Variants in HIVEP2 observed in about 807,000 individuals in gnomAD.
The protein encoded by HIVEP2 is transcription factor HIVEP2.
HIVEP2 carries 14 observed loss-of-function variants against 180.7 expected under a neutral mutation model. The ratio of observed to expected loss-of-function variants is 0.08; its 90% CI spans 0.05 to 0.12. The LOEUF is 0.12. HIVEP2 is among the 10% of genes least tolerant of loss of function. The probability of loss-of-function intolerance (pLI) is 1.00; values close to 1 mark genes in which losing one functional copy is unlikely to be tolerated. For missense variants in HIVEP2, 2,579 were observed against 3,008.5 expected, an observed-to-expected ratio of 0.86 and a Z score of 3.34; for synonymous variants, 1,184 against 1,136.4, an observed-to-expected ratio of 1.04 and a Z score of -0.84.
chr6:142,817,111 G>A (rs186956714), intron 2 of HIVEP2, among the ~76,000 whole-genome samples: 304 of 152,306 alleles, frequency 2.0e-3, no homozygotes, highest in Non-Finnish European at 2.8e-3. Flanking sequence ...GGATTCTAAA[G>A]ACTAAAATAC....
In HIVEP2 at chr6:142,852,591, C is replaced by T. The variant is rs1398118647; in HGVS notation, c.-640-15544G>A. ...TCATGACCTGAAATATAGAGTAATT[C>T]TTAAATCCACCACAGATATACTTTA... On this transcript the variant is annotated intron_variant, in intron 1 of 9. Transcript: ENST00000367603. Among the ~76,000 whole-genome samples the T allele has an allele frequency of 2.0e-5, 3 of 152,144 alleles. No homozygotes were observed. The East Asian group carries it at 5.8e-4, about 29-fold the overall frequency.
chr6:142,814,209 G>A (rs746947241), intron 2 of HIVEP2, among the ~76,000 whole-genome samples: 1 of 152,120 alleles, frequency 6.6e-6, no homozygotes, highest in Non-Finnish European at 1.5e-5. Flanking sequence ...TGACATCAGA[G>A]GCAGAGGAAA....
chr6:142,769,308 T>C (rs1404714321), intron 5 of HIVEP2, among the ~76,000 whole-genome samples: 1 of 152,118 alleles, frequency 6.6e-6, no homozygotes, highest in Non-Finnish European at 1.5e-5. Context: ...CACCCAAATT[T>C]TTAAATTTTA....
At chr6:142,827,214 T>G (rs1768177256) in intron 2 of HIVEP2, among the ~76,000 whole-genome samples, 1 of 152,210 alleles carries the variant, frequency 6.6e-6, no homozygotes, top group South Asian at 2.1e-4. Context: ...TATAATTGCT[T>G]GAAAAAACAA....
chr6:142,771,755 G>A lies in HIVEP2; in HGVS notation c.2984C>T (p.Pro995Leu), dbSNP rs13213642. Residue 995 changes from proline (P) to leucine (L), a missense_variant, in exon 5 of 10, where the codon CCT becomes CTT. By Grantham distance (98) the Pro-to-Leu change is moderately conservative (BLOSUM62 -3). This residue lies in a region of HIVEP2 where 523 missense variants were observed against 577.0 expected (regional missense o/e 0.91). Coordinates refer to ENST00000367603, the MANE Select transcript of HIVEP2 (RefSeq NM_006734.4). The surrounding 1 kb of genome is among the most constrained non-coding windows in gnomAD (Gnocchi z 5.4). The stretch of plus-strand genomic sequence containing the variant: ...ATGCTTCCCAAACTCATCCTGCTTA[G>A]GAAGTGCAGAAAGCTTACTGGTTTC... ...REETSKLSAL[P>L]KQDEFGKHSE... is the part of the protein sequence containing the mutation. The A allele has an allele frequency of 6.2e-7, 1 of 1,614,200 alleles. No individual in the cohort carries two copies. Among genetic ancestry groups the A allele is most frequent in the Non-Finnish European group, 8.5e-7 (1 of 1,180,050 alleles).
chr6:142,889,522 A>C (rs1776801709), intron 1 of HIVEP2, among the ~76,000 whole-genome samples: 1 of 152,206 alleles, frequency 6.6e-6, no homozygotes, highest in Non-Finnish European at 1.5e-5. Flanking sequence ...ACTAGATAAA[A>C]AGAAGGTATG....
rs528393536 is a variant in HIVEP2, at chr6:142,794,699, A to G, written c.-527-11084T>C. 2.2e-4 allele frequency among the ~76,000 whole-genome samples: 33 copies of G among 152,332 alleles called. No individual in the cohort carries two copies. The East Asian group carries it at 5.8e-3, about 27-fold the overall frequency. On this transcript the variant is annotated intron_variant, in intron 2 of 9. Transcript: ENST00000367603. ...GCATCTGACATATTCTTGGACATGG[A>G]TAACTTACACCGGCAGATCCTACAC...
At chr6:142,814,861 A>T (rs1311297235) in intron 2 of HIVEP2, among the ~76,000 whole-genome samples, 1 of 152,192 alleles carries the variant, frequency 6.6e-6, no homozygotes, top group African/African-American at 2.4e-5. Context: ...TGGAGTAACA[A>T]GGGAAATGAG....
chr6:142,938,833 C>A (rs1778112197), intron 1 of HIVEP2, among the ~76,000 whole-genome samples: 1 of 152,140 alleles, frequency 6.6e-6, no homozygotes, highest in Non-Finnish European at 1.5e-5. Flanking sequence ...TTAAATAAAT[C>A]TTTGCCAAAC....
At chr6:142,856,788 G>T (rs116972176) in intron 1 of HIVEP2, among the ~76,000 whole-genome samples, 545 of 152,272 alleles carry the variant, frequency 3.6e-3, no homozygotes, top group Middle Eastern at 0.01. Flanking sequence ...ATGACACAAA[G>T]AAATGACCTG....
intron 1 of HIVEP2, among the ~76,000 whole-genome samples, chr6:142,907,540 T>A (rs1422645665): frequency 6.6e-6 from 1 of 152,224 alleles, no homozygotes; most frequent in Non-Finnish European, 1.5e-5. Flanking sequence ...AAAGGTTTGA[T>A]GAATGAATGA....
chr6:142,942,427 C>T (rs935618733), intron 1 of HIVEP2, among the ~76,000 whole-genome samples: 1 of 152,146 alleles, frequency 6.6e-6, no homozygotes, highest in African/African-American at 2.4e-5. Flanking sequence ...ACCATTACTC[C>T]ACAAGGAACG....
chr6:142,805,523 T>A (rs1342428405), intron 2 of HIVEP2, among the ~76,000 whole-genome samples: 1 of 151,644 alleles, frequency 6.6e-6, no homozygotes, highest in Non-Finnish European at 1.5e-5. Flanking sequence ...AATCCTGCCT[T>A]CCTTTGCTCA....
rs370401752 is a variant in HIVEP2 at position 142,772,736 on chromosome 6, T to A, written c.2003A>T (p.Lys668Met). ...YRDISCLSSL[K>M]HGGEYFMDPV... ...ATCCATGAAATATTCTCCACCATGCTTTAAAGAACTCAAGCAGGAAATGTC... is the reference window on the plus strand; with the variant it reads ...ATCCATGAAATATTCTCCACCATGCATTAAAGAACTCAAGCAGGAAATGTC... Residue 668 changes from lysine (K) to methionine (M), a missense_variant, in exon 5 of 10, where the codon AAG becomes ATG. By Grantham distance (95) the Lys-to-Met change is moderately conservative (BLOSUM62 -1). Coordinates refer to ENST00000367603, the MANE Select transcript of HIVEP2 (RefSeq NM_006734.4). The surrounding 1 kb of genome is among the most constrained non-coding windows in gnomAD (Gnocchi z 4.9). 4.3e-5 allele frequency: 70 copies of A among 1,614,224 alleles called. No individual in the cohort carries two copies. In the African/African-American group the frequency reaches 8.5e-4, roughly 20 times the overall value.
chr6:142,753,242 A>T lies in HIVEP2; in HGVS notation c.7206T>A (p.Thr2402=). The T allele has an allele frequency of 6.2e-7, 1 of 1,614,118 alleles. No individual in the cohort carries two copies. Among genetic ancestry groups the T allele is most frequent in the Non-Finnish European group, 8.5e-7 (1 of 1,179,996 alleles). Residue 2402 remains threonine (T), a synonymous_variant, in exon 10 of 10, where the codon ACT becomes ACA. Coordinates refer to ENST00000367603, the MANE Select transcript of HIVEP2 (RefSeq NM_006734.4). ...TGTAAAACGTGGAGTGAGCTAATGG[A>T]GTCTGTGATGTACCAAAATTGTCCT... The part of the protein sequence containing the change: ...GEKDNFGTSQ[T]PLAHSTFYSK...
intron 2 of HIVEP2, among the ~76,000 whole-genome samples, chr6:142,793,673 T>TTCTTTCTCTCTCTCTCTCTCTC (rs1289211652): frequency 1.0e-4 from 11 of 107,512 alleles, no homozygotes; most frequent in African/African-American, 3.7e-4. Context: ...CTTTCTTTCT[T>TTCTTTCTCTCTCTCTCTCTCTC]TCTCTCTCTC....
At chr6:142,916,767 A>C (rs1167994730) in intron 1 of HIVEP2, among the ~76,000 whole-genome samples, 3 of 152,238 alleles carry the variant, frequency 2.0e-5, no homozygotes, top group Non-Finnish European at 4.4e-5. Context: ...ATGAGGACTG[A>C]AACTCTTTGT....
intron 1 of HIVEP2, among the ~76,000 whole-genome samples, chr6:142,939,399 A>G (rs570398698): frequency 1.3e-5 from 2 of 151,840 alleles, no homozygotes; most frequent in African/African-American, 2.4e-5. Flanking sequence ...TCTCTGCTCA[A>G]AAACCTTCAG....
chr6:142,808,023 C>T (rs1016820172), intron 2 of HIVEP2, among the ~76,000 whole-genome samples: 1 of 152,224 alleles, frequency 6.6e-6, no homozygotes, highest in Non-Finnish European at 1.5e-5. Flanking sequence ...GTTCCAAACT[C>T]CATGTCTATC....
Sources: allele counts gnomAD v4.1 joint callset (sites outside exome capture counted in the v4.1 genomes callset), GRCh38; gene constraint gnomAD v4.1.1; regional missense constraint gnomAD v4.1.1; non-coding constraint Gnocchi (gnomAD v3.1); transcripts MANE v1.5; gene names NCBI Gene and HGNC (gene_info 2026-07-23, HGNC 2026-07-21).